TDRD5: variants seen among roughly 807,000 people sequenced by gnomAD.
TDRD5 encodes the protein tudor domain-containing protein 5.
In TDRD5, 41 loss-of-function variants were observed where a neutral mutation model predicts 120.6. The ratio of observed to expected loss-of-function variants is 0.34; its 90% CI spans 0.26 to 0.44. The LOEUF is 0.44. TDRD5 is among the 20% of genes least tolerant of loss of function. TDRD5 has a pLI of 1.00. For synonymous variants in TDRD5, 430 were observed against 433.7 expected, an observed-to-expected ratio of 0.99 and a Z score of 0.11; for missense variants, 1,006 against 1,221.2, an observed-to-expected ratio of 0.82 and a Z score of 2.63.
intron 4 of TDRD5, among the ~76,000 whole-genome samples, chr1:179,604,345 C>A (rs1357044467): frequency 6.6e-6 from 1 of 151,746 alleles, no homozygotes; most frequent in African/African-American, 2.4e-5. Context: ...CTTCATGTAT[C>A]TTTTGTATTT....
chr1:179,598,231 A>G (rs1459022888), intron 4 of TDRD5, among the ~76,000 whole-genome samples: 3 of 152,216 alleles, frequency 2.0e-5, no homozygotes, highest in Non-Finnish European at 4.4e-5. Flanking sequence ...ATCTTGTGGG[A>G]CCACCATCAT....
intron 6 of TDRD5, among the ~76,000 whole-genome samples, chr1:179,621,639 G>A (rs1437380987): frequency 6.6e-6 from 1 of 152,130 alleles, no homozygotes; most frequent in Non-Finnish European, 1.5e-5. Flanking sequence ...ATTGTATGTA[G>A]TAGTATAAAA....
chr1:179,664,619 T>C (rs1422560480), intron 16 of TDRD5, among the ~76,000 whole-genome samples: 2 of 152,184 alleles, frequency 1.3e-5, no homozygotes, highest in Non-Finnish European at 2.9e-5. Context: ...TCATCCTTGT[T>C]GTAGTATGAA....
chr1:179,611,383 C>CTT (rs1246555815), intron 4 of TDRD5, among the ~76,000 whole-genome samples: 4 of 152,016 alleles, frequency 2.6e-5, no homozygotes, highest in African/African-American at 7.2e-5. Context: ...GACTGGAACT[C>CTT]TAAGTGTTCA....
At chr1:179,602,278 G>A (rs1558371546) in intron 4 of TDRD5, among the ~76,000 whole-genome samples, 1 of 152,154 alleles carries the variant, frequency 6.6e-6, no homozygotes, top group Non-Finnish European at 1.5e-5. Context: ...TCTCATTGTG[G>A]TTTTGATTTG....
intron 14 of TDRD5, among the ~76,000 whole-genome samples, chr1:179,660,713 A>G (rs1385744067): frequency 1.3e-5 from 2 of 152,182 alleles, no homozygotes; most frequent in South Asian, 2.1e-4. Context: ...TTTGCTTTCC[A>G]TCTTCAAGAA....
intron 11 of TDRD5, among the ~76,000 whole-genome samples, chr1:179,643,975 A>C (rs1678199061): frequency 6.6e-6 from 1 of 152,218 alleles, no homozygotes; most frequent in South Asian, 2.1e-4. Context: ...GGAAACAATA[A>C]TATAAATAAT....
chr1:179,672,289 T>G (rs1679899717), intron 17 of TDRD5, among the ~76,000 whole-genome samples: 1 of 152,120 alleles, frequency 6.6e-6, no homozygotes, highest in Non-Finnish European at 1.5e-5. Flanking sequence ...ATTTTTTTAT[T>G]TTTTTGATTA....
At chr1:179,603,214 G>T in intron 4 of TDRD5, among the ~76,000 whole-genome samples, 1 of 152,106 alleles carries the variant, frequency 6.6e-6, no homozygotes, top group African/African-American at 2.4e-5. Context: ...ACTGATTTGT[G>T]TACATTAATC....
intron 6 of TDRD5, among the ~76,000 whole-genome samples, chr1:179,629,855 G>A (rs370513945): frequency 2.6e-5 from 4 of 152,110 alleles, no homozygotes; most frequent in African/African-American, 9.6e-5. Context: ...TGTATTTTAT[G>A]TGTCTATCCC....
chr1:179,637,450 T>G (rs1315618910), intron 9 of TDRD5, among the ~76,000 whole-genome samples: 1 of 152,198 alleles, frequency 6.6e-6, no homozygotes, highest in Non-Finnish European at 1.5e-5. Context: ...CTGCTATTAT[T>G]ATTAATACTA....
intron 11 of TDRD5, among the ~76,000 whole-genome samples, chr1:179,640,901 G>A (rs947355658): frequency 5.9e-5 from 9 of 152,156 alleles, no homozygotes; most frequent in African/African-American, 1.7e-4. Flanking sequence ...GAAGACCCAC[G>A]TTTAGAAGAC....
At chr1:179,677,153 C>G (rs569536825) in intron 17 of TDRD5, among the ~76,000 whole-genome samples, 1 of 152,068 alleles carries the variant, frequency 6.6e-6, no homozygotes, top group East Asian at 1.9e-4. Context: ...TGAGCCTTTC[C>G]AGTGCATTTT....
intron 8 of TDRD5, among the ~76,000 whole-genome samples, 186 bp from the exon 9 acceptor site, chr1:179,635,481 A>G (rs1446720706): frequency 1.3e-5 from 2 of 152,202 alleles, no homozygotes; most frequent in African/African-American, 4.8e-5. Flanking sequence ...ATTTAAATGC[A>G]TAATTGTGGG....
At chr1:179,672,294 T>C (rs1679899849) in intron 17 of TDRD5, among the ~76,000 whole-genome samples, 1 of 152,168 alleles carries the variant, frequency 6.6e-6, no homozygotes, top group Admixed American at 6.5e-5. Context: ...TTTATTTTTT[T>C]GATTATGGGT....
chr1:179,657,204 T>G (rs1194961651), intron 14 of TDRD5, among the ~76,000 whole-genome samples: 1 of 152,216 alleles, frequency 6.6e-6, no homozygotes, highest in East Asian at 1.9e-4. Flanking sequence ...TTGTGTTATA[T>G]ATATAGATAA....
In TDRD5 at chr1:179,661,318, TTA is replaced by T. The variant is rs148466009; in HGVS notation, c.2323-782_2323-781del. Reference sequence around the variant, plus strand: ...TTGTGAGACTCTGATGACACAAATGTTATATCTTTTGGTATTGTTCCACAGTC... The same window carrying T: ...TTGTGAGACTCTGATGACACAAATGTTATCTTTTGGTATTGTTCCACAGTC... On this transcript the variant is annotated intron_variant, in intron 14 of 17. Transcript: ENST00000444136. Among the ~76,000 whole-genome samples, 334 of 152,286 alleles carry T rather than the reference TTA, an allele frequency of 2.2e-3. 5 individuals carry two copies. Among genetic ancestry groups the T allele is most frequent in the African/African-American group, 7.6e-3 (315 of 41,560 alleles).
At chr1:179,605,957 AG>A (rs1430128478) in intron 4 of TDRD5, among the ~76,000 whole-genome samples, 3 of 152,078 alleles carry the variant, frequency 2.0e-5, no homozygotes, top group Non-Finnish European at 4.4e-5. Context: ...GTAAATACTA[AG>A]GAGTACAGTT....
At chr1:179,612,923 G>T (rs1437932930) in intron 4 of TDRD5, among the ~76,000 whole-genome samples, 1 of 133,186 alleles carries the variant, frequency 7.5e-6, no homozygotes, top group Non-Finnish European at 1.6e-5. Flanking sequence ...GTGACAGAGT[G>T]AGACTTTGTC....
Sources: gnomAD v4.1 joint callset for allele counts (sites outside exome capture counted in the v4.1 genomes callset) on GRCh38, gnomAD v4.1.1 for gene constraint, MANE v1.5 for transcripts, NCBI Gene and HGNC (gene_info 2026-07-23, HGNC 2026-07-21) for gene names.